The following PIP4K2A variants were observed in gnomAD, a reference collection of about 807,000 sequenced individuals.
PIP4K2A encodes phosphatidylinositol 5-phosphate 4-kinase type-2 alpha.
A neutral mutation model predicts 42.9 loss-of-function variants in PIP4K2A; 14 were observed. The ratio of observed to expected loss-of-function variants is 0.33; its 90% CI spans 0.22 to 0.51. The LOEUF (loss-of-function observed/expected upper bound fraction) is 0.51, where lower values mean the gene tolerates loss of function less well. Ranked by LOEUF, PIP4K2A falls within the 20% of genes least tolerant of loss-of-function variation. The probability of loss-of-function intolerance (pLI) is 0.97; values close to 1 mark genes in which losing one functional copy is unlikely to be tolerated. For synonymous variants in PIP4K2A, 192 were observed against 192.2 expected (o/e 1.00, Z 0.01); for missense variants, 434 against 519.8 (o/e 0.83, Z 1.61).
rs1446389643 is a variant in PIP4K2A, at chr10:22,664,172, T to C, written c.144+50011A>G. On this transcript the variant is annotated intron_variant, in intron 1 of 9. Transcript: ENST00000376573. ...ATATACACATATATATATATACATA[T>C]ATATATATACATATATATACATATA... Among the ~76,000 whole-genome samples the C allele has an allele frequency of 2.8e-3, 204 of 73,854 alleles. 10 individuals are homozygous for C. The highest frequency in any genetic ancestry group is 5.8e-3 in the Middle Eastern group (1 of 172). 48.5% of individuals were successfully genotyped at this position (73,854 alleles called of 152,430 possible). A position where few individuals can be genotyped will look rare whatever the true frequency, so the allele number is the denominator to read the frequency against.
chr10:22,668,876 C>G (rs1001155053), intron 1 of PIP4K2A, among the ~76,000 whole-genome samples: 2 of 152,112 alleles, frequency 1.3e-5, no homozygotes, highest in Admixed American at 1.3e-4. Context: ...GAAAAAATAC[C>G]AAATAAGATA....
chr10:22,712,192 A>G (rs180704963), intron 1 of PIP4K2A, among the ~76,000 whole-genome samples: 1 of 152,360 alleles, frequency 6.6e-6, no homozygotes, highest in African/African-American at 2.4e-5. Context: ...ACTATGAAAC[A>G]CTTAAGTAGT....
intron 1 of PIP4K2A, among the ~76,000 whole-genome samples, chr10:22,708,110 C>A (rs1833853465): frequency 6.6e-6 from 1 of 152,150 alleles, no homozygotes; most frequent in South Asian, 2.1e-4. Context: ...TTCAAGGAAA[C>A]TCCCCAGGGA....
chr10:22,699,780 T>C (rs190887958), intron 1 of PIP4K2A, among the ~76,000 whole-genome samples: 67 of 152,322 alleles, frequency 4.4e-4, no homozygotes, highest in Non-Finnish European at 7.4e-4. Context: ...ATGCAATATA[T>C]GTATTTCTGA....
chr10:22,605,562 A>T (rs2765996), intron 3 of PIP4K2A, among the ~76,000 whole-genome samples: 1 of 152,174 alleles, frequency 6.6e-6, no homozygotes, highest in Non-Finnish European at 1.5e-5. Flanking sequence ...AACTCAGACC[A>T]TAATGGGTTC....
rs139328358 is a variant in PIP4K2A, at chr10:22,598,714, T to A, written c.340-6933A>T. Among the ~76,000 whole-genome samples the A allele has an allele frequency of 4.0e-4, 61 of 152,296 alleles. No homozygotes were observed. In the East Asian group the frequency reaches 0.012, roughly 29 times the overall value. On this transcript the variant is annotated intron_variant, in intron 3 of 9. Coordinates refer to ENST00000376573, the MANE Select transcript of PIP4K2A (RefSeq NM_005028.5). ...AACTCACCCTTCCCACCTCCCTTAC[T>A]CTGTTATCTGATTATCTGCAAAGAA... is the stretch of plus-strand genomic sequence containing the variant.
At chr10:22,710,063 CAA>C (rs34126375) in intron 1 of PIP4K2A, among the ~76,000 whole-genome samples, 453 of 124,576 alleles carry the variant, frequency 3.6e-3, no homozygotes, top group African/African-American at 6.5e-3. Flanking sequence ...ACCCATGAAC[CAA>C]AAAAAAAAAA....
chr10:22,634,545 T>C (rs563832208), intron 1 of PIP4K2A, among the ~76,000 whole-genome samples: 1 of 152,202 alleles, frequency 6.6e-6, no homozygotes, highest in Non-Finnish European at 1.5e-5. Context: ...TTTCTTATAA[T>C]AGGATCTTTT....
At chr10:22,603,276 C>T (rs1837833874) in intron 3 of PIP4K2A, among the ~76,000 whole-genome samples, 3 of 152,160 alleles carry the variant, frequency 2.0e-5, no homozygotes, top group African/African-American at 7.2e-5. Flanking sequence ...AGAGGCCTCA[C>T]TTTCAAATGT....
chr10:22,555,296 G>A (rs937337731), intron 6 of PIP4K2A, among the ~76,000 whole-genome samples: 1 of 152,128 alleles, frequency 6.6e-6, no homozygotes, highest in African/African-American at 2.4e-5. Flanking sequence ...TTACCTCTCT[G>A]TGACTTGGTT....
intron 3 of PIP4K2A, among the ~76,000 whole-genome samples, chr10:22,600,091 A>G (rs545894593): frequency 4.1e-4 from 63 of 152,190 alleles, no homozygotes; most frequent in Non-Finnish European, 8.1e-4. Context: ...CTCTCTCATA[A>G]AAGTGTCCTC....
chr10:22,640,586 T>C (rs778886698), intron 1 of PIP4K2A, among the ~76,000 whole-genome samples: 10 of 152,140 alleles, frequency 6.6e-5, no homozygotes, highest in Non-Finnish European at 1.3e-4. Context: ...CAGTGACCCG[T>C]GCAGAGCCTA....
In PIP4K2A at chr10:22,692,903, A is replaced by G. The variant is rs1405699009; in HGVS notation, c.144+21280T>C. Among the ~76,000 whole-genome samples, 4 of 152,208 alleles carry G rather than the reference A, an allele frequency of 2.6e-5. 1 individual carries two copies. Among genetic ancestry groups the G allele is most frequent in the African/African-American group, 9.7e-5 (4 of 41,450 alleles). ...CAAGCTGGACTGGAAAATGTTCGTC[A>G]AGGAATCATTTATTCAAGGCTGATC... On this transcript the variant is annotated intron_variant, in intron 1 of 9. Transcript: ENST00000376573.
At chr10:22,704,741 A>C (rs1375811126) in intron 1 of PIP4K2A, among the ~76,000 whole-genome samples, 1 of 150,920 alleles carries the variant, frequency 6.6e-6, no homozygotes, top group East Asian at 1.9e-4. Flanking sequence ...CTGTTACTGT[A>C]GTTTATTTTG....
intron 9 of PIP4K2A, chr10:22,539,719 A>G (rs1453210933): frequency 2.3e-6 from 1 of 425,574 alleles, no homozygotes; most frequent in African/African-American, 2.0e-5. Context: ...GAGCTGTGGT[A>G]AGAGCAGCAG....
intron 4 of PIP4K2A, among the ~76,000 whole-genome samples, chr10:22,586,981 A>G (rs1009941531): frequency 1.5e-4 from 23 of 152,344 alleles, no homozygotes; most frequent in Non-Finnish European, 2.2e-4. Context: ...GCCCAAGGTC[A>G]TGCCATTGGC....
intron 3 of PIP4K2A, among the ~76,000 whole-genome samples, chr10:22,600,556 C>T (rs56928466): frequency 1.3e-5 from 2 of 152,022 alleles, no homozygotes; most frequent in Non-Finnish European, 2.9e-5. Context: ...CCTAACTTCC[C>T]GGAAATATTC....
intron 6 of PIP4K2A, among the ~76,000 whole-genome samples, chr10:22,554,087 G>C (rs1836475725): frequency 6.6e-6 from 1 of 152,050 alleles, no homozygotes; most frequent in African/African-American, 2.4e-5. Context: ...GTTGCAGAGA[G>C]CCATGATCGC....
chr10:22,625,989 C>T (rs1838427558), intron 1 of PIP4K2A, among the ~76,000 whole-genome samples: 1 of 152,112 alleles, frequency 6.6e-6, no homozygotes, highest in Non-Finnish European at 1.5e-5. Context: ...ATGTCACCTA[C>T]ACAATGGACT....
Sources: gnomAD v4.1 joint callset for allele counts (sites outside exome capture counted in the v4.1 genomes callset) on GRCh38, gnomAD v4.1.1 for gene constraint, MANE v1.5 for transcripts, NCBI Gene and HGNC (gene_info 2026-07-23, HGNC 2026-07-21) for gene names.